TMEM132D: variants seen among roughly 807,000 people sequenced by gnomAD.
The protein encoded by TMEM132D is mature OL transmembrane protein.
Under a neutral mutation model 62.3 loss-of-function variants are expected in TMEM132D, and 21 were observed. That is an observed-to-expected ratio of 0.34 (90% CI 0.24 to 0.49). The LOEUF (loss-of-function observed/expected upper bound fraction) is 0.49, where lower values mean the gene tolerates loss of function less well. Ranked by LOEUF, TMEM132D falls within the 20% of genes least tolerant of loss-of-function variation. The pLI, the probability that TMEM132D is intolerant of heterozygous loss-of-function variation, is 0.99. For synonymous variants in TMEM132D, 621 were observed against 575.6 expected (o/e 1.08, Z -1.13); for missense variants, 1,346 against 1,402.8 (o/e 0.96, Z 0.65).
intron 4 of TMEM132D, among the ~76,000 whole-genome samples, chr12:129,263,008 G>A (rs779204012): frequency 7.2e-5 from 11 of 152,268 alleles, no homozygotes; most frequent in Admixed American, 1.3e-4. Flanking sequence ...AGAGCAGACA[G>A]GAATGAGAAA....
At chr12:129,085,300 T>A (rs1874581913) in intron 5 of TMEM132D, 1 of 152,610 alleles carries the variant, frequency 6.6e-6, no homozygotes. Context: ...CAGACCACTT[T>A]CCCCTGCAGG....
chr12:129,673,147 C>G (rs187764259), intron 2 of TMEM132D, among the ~76,000 whole-genome samples: 1 of 150,248 alleles, frequency 6.7e-6, no homozygotes, highest in East Asian at 2.0e-4. Context: ...CATGCTTTCC[C>G]TTTTAGGAGA....
chr12:129,257,361 C>A (rs1015952862), intron 4 of TMEM132D, among the ~76,000 whole-genome samples: 1 of 152,010 alleles, frequency 6.6e-6, no homozygotes, highest in Non-Finnish European at 1.5e-5. Context: ...CGCCCGCCAC[C>A]ACGACCGGCT....
chr12:129,896,363 G>C (rs1207777150), intron 1 of TMEM132D, among the ~76,000 whole-genome samples: 1 of 152,192 alleles, frequency 6.6e-6, no homozygotes, highest in Non-Finnish European at 1.5e-5. Context: ...CGAGAAAGGA[G>C]AGGCCAGGGC....
chr12:129,592,148 A>T (rs973249908), intron 2 of TMEM132D, among the ~76,000 whole-genome samples: 1 of 152,186 alleles, frequency 6.6e-6, no homozygotes, highest in African/African-American at 2.4e-5. Context: ...AATTCGTGTA[A>T]CACTAAAATA....
In TMEM132D at chr12:129,647,231, CTTTG is replaced by C. The variant is rs148988052; in HGVS notation, c.968+52575_968+52578del. ...CTGCAATGTGCATTATTTGCTGTTC[CTTTG>C]TTTTTCTGTTTTTTTTTTTTTTTTG... is the stretch of plus-strand genomic sequence containing the variant. On this transcript the variant is annotated intron_variant, in intron 2 of 8. Coordinates refer to ENST00000422113, the MANE Select transcript of TMEM132D (RefSeq NM_133448.3). 5.8e-3 allele frequency among the ~76,000 whole-genome samples: 707 copies of C among 121,792 alleles called. 3 individuals are homozygous for C. Among genetic ancestry groups the C allele is most frequent in the African/African-American group, 0.021 (646 of 31,286 alleles). 79.9% of individuals were successfully genotyped at this position (121,792 alleles called of 152,430 possible).
intron 2 of TMEM132D, among the ~76,000 whole-genome samples, chr12:129,584,591 C>T (rs1877969319): frequency 6.6e-6 from 1 of 152,166 alleles, no homozygotes; most frequent in South Asian, 2.1e-4. Flanking sequence ...GATGGAATTG[C>T]TTTATCGCAC....
At chr12:129,732,974 G>A (rs1479644710) in intron 1 of TMEM132D, among the ~76,000 whole-genome samples, 3 of 152,206 alleles carry the variant, frequency 2.0e-5, no homozygotes, top group Non-Finnish European at 2.9e-5. Context: ...ACATGGCTGT[G>A]CTGGGTATCA....
intron 1 of TMEM132D, 106 bp from the exon 2 acceptor site, chr12:129,700,804 G>A (rs1427408748): frequency 4.0e-6 from 5 of 1,263,304 alleles, no homozygotes; most frequent in Non-Finnish European, 5.3e-6. Context: ...CTGTCTTCGC[G>A]CCAATTATGC....
chr12:129,570,674 G>A (rs1877487470), intron 2 of TMEM132D, among the ~76,000 whole-genome samples: 1 of 152,178 alleles, frequency 6.6e-6, no homozygotes, highest in African/African-American at 2.4e-5. Context: ...GTTAAAGACT[G>A]CACCCAGATT....
intron 3 of TMEM132D, among the ~76,000 whole-genome samples, chr12:129,483,993 A>C (rs2137055247): frequency 6.6e-6 from 1 of 152,108 alleles, no homozygotes; most frequent in South Asian, 2.1e-4. Flanking sequence ...TTTTTGAGGC[A>C]GAGTCTCACT....
At chr12:129,486,780 C>T (rs534419671) in intron 3 of TMEM132D, among the ~76,000 whole-genome samples, 1 of 151,994 alleles carries the variant, frequency 6.6e-6, no homozygotes, top group African/African-American at 2.4e-5. Context: ...TCCCTTCCTC[C>T]TTTCCTTCAT....
At chr12:129,181,962 G>A (rs1049669641) in intron 5 of TMEM132D, among the ~76,000 whole-genome samples, 1 of 152,124 alleles carries the variant, frequency 6.6e-6, no homozygotes, top group Non-Finnish European at 1.5e-5. Flanking sequence ...ATTCATCTCA[G>A]TGTCTCTAGC....
intron 5 of TMEM132D, among the ~76,000 whole-genome samples, chr12:129,139,590 G>A (rs754339857): frequency 7.2e-5 from 11 of 152,334 alleles, no homozygotes; most frequent in Admixed American, 1.3e-4. Flanking sequence ...TGTGTCTGCT[G>A]TGGATCTGGT....
intron 5 of TMEM132D, among the ~76,000 whole-genome samples, chr12:129,192,222 C>T (rs993260013): frequency 1.3e-5 from 2 of 152,194 alleles, no homozygotes; most frequent in African/African-American, 4.8e-5. Flanking sequence ...GGTGACTTGT[C>T]ATGATAAATG....
intron 1 of TMEM132D, among the ~76,000 whole-genome samples, chr12:129,715,269 A>C (rs1457432845): frequency 3.3e-5 from 5 of 152,152 alleles, no homozygotes; most frequent in Non-Finnish European, 7.3e-5. Flanking sequence ...GAGAGAAGGG[A>C]CAAATCACAC....
chr12:129,293,029 A>T (rs2135620901), intron 4 of TMEM132D, among the ~76,000 whole-genome samples: 1 of 152,294 alleles, frequency 6.6e-6, no homozygotes, highest in Non-Finnish European at 1.5e-5. Flanking sequence ...CTGAGGGCAG[A>T]GGGGCCCTGT....
At chr12:129,498,269 T>G (rs1875021506) in intron 3 of TMEM132D, among the ~76,000 whole-genome samples, 1 of 151,894 alleles carries the variant, frequency 6.6e-6, no homozygotes, top group African/African-American at 2.4e-5. Flanking sequence ...TTTGTTTGTT[T>G]TTGAGATGGA....
At chr12:129,861,957 C>T (rs1198904632) in intron 1 of TMEM132D, among the ~76,000 whole-genome samples, 1 of 152,054 alleles carries the variant, frequency 6.6e-6, no homozygotes, top group Admixed American at 6.6e-5. Context: ...CCTGTAGCCA[C>T]ACCCAACACA....
Sources: gnomAD v4.1 joint callset for allele counts (sites outside exome capture counted in the v4.1 genomes callset) on GRCh38, gnomAD v4.1.1 for gene constraint, MANE v1.5 for transcripts, NCBI Gene and HGNC (gene_info 2026-07-23, HGNC 2026-07-21) for gene names.